Variants in ETFBKMT observed in about 807,000 individuals in gnomAD.
ETFBKMT encodes electron transfer flavoprotein beta subunit lysine methyltransferase.
In ETFBKMT, 13 loss-of-function variants were observed where a neutral mutation model predicts 18.3. The ratio of observed to expected loss-of-function variants is 0.71; its 90% CI spans 0.46 to 1.13. The LOEUF is 1.13. ETFBKMT is among the 50% of genes most tolerant of loss of function. The pLI is 0.00. For synonymous variants in ETFBKMT, 84 were observed against 107.9 expected (o/e 0.78, Z 1.37); for missense variants, 293 against 306.2 (o/e 0.96, Z 0.32).
chr12:31,664,603 T>G (rs574858668), intron 2 of ETFBKMT, among the ~76,000 whole-genome samples: 1 of 149,242 alleles, frequency 6.7e-6, no homozygotes, highest in South Asian at 2.2e-4. Flanking sequence ...TATTTATACA[T>G]TTCTTTTTCT....
At chr12:31,665,938 GT>G in intron 2 of ETFBKMT, 148 bp from the exon 3 acceptor site, 1 of 591,666 alleles carries the variant, frequency 1.7e-6, no homozygotes, top group South Asian at 2.1e-5. Context: ...CAGCGTGGGT[GT>G]TATGGCCATC....
At chr12:31,656,146 C>T (rs1014757258), upstream of ETFBKMT, among the ~76,000 whole-genome samples, 14 of 152,234 alleles carry the variant, frequency 9.2e-5, no homozygotes, top group East Asian at 1.2e-3. Context: ...TAGGCAGTGA[C>T]GGTTCTGCTT....
At position 31,662,258 on chromosome 12, in the gene ETFBKMT, C is replaced by A; in HGVS notation, c.305C>A (p.Ala102Asp). ...GCAATCTACTGGCCAGGAGGCCAAGCCCTGTCTAGGTACTACCCTAATGAA... is the reference window on the plus strand; with the variant it reads ...GCAATCTACTGGCCAGGAGGCCAAGACCTGTCTAGGTACTACCCTAATGAA... Reference protein sequence around the residue: ...YWAIYWPGGQALSRYLLDNPD... With the variant: ...YWAIYWPGGQDLSRYLLDNPD... The change falls in exon 2 of 4, where the codon GCC becomes GAC. Residue 102 changes from alanine to aspartate, a missense_variant. Ala to Asp is a moderately radical substitution (Grantham distance 126, BLOSUM62 -2). Transcript: ENST00000357721. 1 of 1,613,962 alleles carries A rather than the reference C, an allele frequency of 6.2e-7. No homozygotes were observed. Among genetic ancestry groups the A allele is most frequent in the Non-Finnish European group, 8.5e-7 (1 of 1,179,912 alleles).
At chr12:31,652,285 C>T (rs908728646) in intron 1 of ETFBKMT, among the ~76,000 whole-genome samples, 2 of 152,164 alleles carry the variant, frequency 1.3e-5, no homozygotes, top group African/African-American at 2.4e-5. Context: ...TCTGCTCCTA[C>T]ACTCCTTGTG....
intron 1 of ETFBKMT, among the ~76,000 whole-genome samples, chr12:31,648,713 C>G (rs374727584): frequency 6.6e-6 from 1 of 152,082 alleles, no homozygotes. Flanking sequence ...AGGGGCCCAC[C>G]ACCACGCCTG....
At chr12:31,659,903 C>T (rs1164534100) in intron 1 of ETFBKMT, 114 bp downstream of exon 1, 1 of 150,680 alleles carries the variant, frequency 6.6e-6, no homozygotes, top group Non-Finnish European at 1.5e-5. Flanking sequence ...AATCCCAGCA[C>T]TTTGGGAGGT....
chr12:31,653,586 G>A (rs1951035048), intron 1 of ETFBKMT, among the ~76,000 whole-genome samples: 1 of 152,238 alleles, frequency 6.6e-6, no homozygotes, highest in Non-Finnish European at 1.5e-5. Context: ...TGCAAGGGCA[G>A]TTTGGTAGAG....
intron 3 of ETFBKMT, among the ~76,000 whole-genome samples, chr12:31,666,664 A>C (rs1951199892): frequency 6.6e-6 from 1 of 151,630 alleles, no homozygotes. Context: ...TTATTTATTT[A>C]TTTTGAGACA....
chr12:31,670,800 G>GC lies in ETFBKMT; in HGVS notation c.*2810_*2811insC, dbSNP rs1951255550. 6.6e-6 allele frequency: 1 copy of GC among 151,938 alleles called. No homozygotes were observed. The highest frequency in any genetic ancestry group is 1.5e-5 in the Non-Finnish European group (1 of 68,014). 9.4% of individuals were successfully genotyped at this position (151,938 alleles called of 1,614,324 possible). On this transcript the variant is annotated 3_prime_UTR_variant, in exon 4 of 4. Transcript: ENST00000357721. Reference sequence around the variant, plus strand: ...ACCAGGCACTGTTCTAGGCACTGGGGATATGGGGATACAGCAATGAAAAAA... The same window carrying GC: ...ACCAGGCACTGTTCTAGGCACTGGGGCATATGGGGATACAGCAATGAAAAAA...
chr12:31,658,389 T>C (rs1185187996), upstream of ETFBKMT, among the ~76,000 whole-genome samples: 1 of 152,154 alleles, frequency 6.6e-6, no homozygotes, highest in Admixed American at 6.6e-5. Context: ...AAATGCAAGG[T>C]GTATAGCTTA....
chr12:31,663,814 C>G (rs1464159811), intron 2 of ETFBKMT, among the ~76,000 whole-genome samples: 1 of 151,188 alleles, frequency 6.6e-6, no homozygotes, highest in African/African-American at 2.4e-5. Flanking sequence ...CCTGGCCTTT[C>G]CCTCATTGTG....
intron 1 of ETFBKMT, 83 bp downstream of exon 1, chr12:31,659,872 G>A (rs779735012): frequency 6.6e-6 from 1 of 152,066 alleles, no homozygotes; most frequent in Non-Finnish European, 1.5e-5. Flanking sequence ...AAGCTGGCCG[G>A]GCGTGGTGGC....
intron 1 of ETFBKMT, among the ~76,000 whole-genome samples, chr12:31,652,747 A>C (rs1951028028): frequency 6.6e-6 from 1 of 152,220 alleles, no homozygotes. Context: ...CAGATTCTGC[A>C]TAGACAGTGT....
upstream of ETFBKMT, among the ~76,000 whole-genome samples, chr12:31,658,813 A>C (rs1951084042): frequency 1.3e-5 from 2 of 152,106 alleles, no homozygotes; most frequent in African/African-American, 4.8e-5. Flanking sequence ...GACTCGAGTG[A>C]TATAGGCTGC....
intron 2 of ETFBKMT, among the ~76,000 whole-genome samples, chr12:31,662,609 A>C: frequency 6.6e-6 from 1 of 150,798 alleles, no homozygotes; most frequent in South Asian, 2.1e-4. Flanking sequence ...TATTACAGAC[A>C]TGAGCCTCTG....
chr12:31,661,312 A>C (rs1326473696), intron 1 of ETFBKMT, among the ~76,000 whole-genome samples: 1 of 152,208 alleles, frequency 6.6e-6, no homozygotes, highest in East Asian at 1.9e-4. Context: ...TTTCAAAATC[A>C]AATGCTTGTA....
intron 2 of ETFBKMT, among the ~76,000 whole-genome samples, chr12:31,663,554 G>A (rs1025351887): frequency 6.6e-6 from 1 of 152,200 alleles, no homozygotes; most frequent in Non-Finnish European, 1.5e-5. Flanking sequence ...GGGCATGTAT[G>A]CCTCTACTTT....
chr12:31,655,066 C>A (rs1187525315), upstream of ETFBKMT, among the ~76,000 whole-genome samples: 21 of 41,442 alleles, frequency 5.1e-4, no homozygotes, highest in South Asian at 1.6e-3. Context: ...ATGAAACAAA[C>A]AAACAAACAA....
chr12:31,667,672 T>A lies in ETFBKMT; in HGVS notation c.471T>A (p.Asn157Lys), dbSNP rs779627322. ...DPIAGMAITL[N>K]CELNRLNPFP... ...TTGCAGGAATGGCTATTACACTAAA[T>A]TGTGAATTGAACAGACTGAATCCTT... The change falls in exon 4 of 4, where the codon AAT becomes AAA. Residue 157 changes from asparagine to lysine, a missense_variant. Coordinates refer to ENST00000357721, the MANE Select transcript of ETFBKMT (RefSeq NM_001135863.2). 1.5e-5 allele frequency: 24 copies of A among 1,611,916 alleles called. No individual in the cohort carries two copies. In the East Asian group the frequency reaches 4.2e-4, roughly 28 times the overall value.
Sources: allele counts gnomAD v4.1 joint callset (sites outside exome capture counted in the v4.1 genomes callset), GRCh38; gene constraint gnomAD v4.1.1; transcripts MANE v1.5; gene names NCBI Gene and HGNC (gene_info 2026-07-23, HGNC 2026-07-21).